Variants in PDIA3 observed in about 807,000 individuals in gnomAD.
The protein encoded by PDIA3 is protein disulfide isomerase family A member 3.
PDIA3 carries 16 observed loss-of-function variants against 56.9 expected under a neutral mutation model. The observed-to-expected ratio is 0.28, with a 90% CI of 0.19 to 0.43. The LOEUF is 0.43. PDIA3 is among the 20% of genes least tolerant of loss of function. The pLI, the probability that PDIA3 is intolerant of heterozygous loss-of-function variation, is 1.00. For missense variants in PDIA3, 485 were observed against 621.3 expected (o/e 0.78, Z 2.33); for synonymous variants, 192 against 216.5 (o/e 0.89, Z 0.99).
intron 10 of PDIA3, 120 bp from the exon 11 acceptor site, chr15:43,770,130 C>T (rs1011135593): frequency 1.3e-4 from 100 of 763,560 alleles, no homozygotes; most frequent in Non-Finnish European, 9.3e-5. Flanking sequence ...CCACCACACC[C>T]GGCTAATTTT....
At chr15:43,770,213 A>C in intron 10 of PDIA3, 37 bp from the exon 11 acceptor site, 2 of 1,526,078 alleles carry the variant, frequency 1.3e-6, no homozygotes, top group Non-Finnish European at 1.8e-6. Context: ...GTCACTGAAA[A>C]CTTGAAATGT....
rs1044459094 is a variant in PDIA3 at position 43,753,916 on chromosome 15, G to A, written c.246+14G>A. On this transcript the variant is annotated intron_variant, in intron 2 of 12. Coordinates refer to ENST00000300289, the MANE Select transcript of PDIA3 (RefSeq NM_005313.5). ...CCATTAGCAAAGGTAAGTACAGGTGGATTCTTCACTAAAGGACGTGAAGTA... is the reference window on the plus strand; with the variant it reads ...CCATTAGCAAAGGTAAGTACAGGTGAATTCTTCACTAAAGGACGTGAAGTA... The A allele has an allele frequency of 6.4e-7, 1 of 1,565,412 alleles. No homozygotes were observed. Among genetic ancestry groups the A allele is most frequent in the Non-Finnish European group, 8.8e-7 (1 of 1,136,038 alleles).
chr15:43,761,950 G>A (rs1183636861), intron 4 of PDIA3, among the ~76,000 whole-genome samples: 3 of 152,106 alleles, frequency 2.0e-5, no homozygotes, highest in Non-Finnish European at 2.9e-5. Flanking sequence ...GAAGATACAA[G>A]TAAATAATAA....
chr15:43,750,003 C>T (rs565056862), intron 1 of PDIA3, among the ~76,000 whole-genome samples: 2 of 150,336 alleles, frequency 1.3e-5, no homozygotes, highest in African/African-American at 4.9e-5. Context: ...ACAAAATAGA[C>T]CTATTTAAGC....
At chr15:43,761,359 A>G (rs2086814855) in intron 3 of PDIA3, 65 bp from the exon 4 acceptor site, 1 of 842,610 alleles carries the variant, frequency 1.2e-6, no homozygotes, top group African/African-American at 1.7e-5. Flanking sequence ...GTGAATGATG[A>G]ATAATTGCCT....
chr15:43,756,064 T>C (rs2086777044), intron 2 of PDIA3, among the ~76,000 whole-genome samples: 1 of 152,188 alleles, frequency 6.6e-6, no homozygotes, highest in South Asian at 2.1e-4. Flanking sequence ...ATATGCAAAG[T>C]ACTTGTGCCT....
chr15:43,754,446 A>G (rs1215147262), intron 2 of PDIA3, among the ~76,000 whole-genome samples: 1 of 151,850 alleles, frequency 6.6e-6, no homozygotes, highest in Admixed American at 6.6e-5. Flanking sequence ...AATTACTGGC[A>G]TAAGAAGTAA....
chr15:43,763,716 A>T (rs1190080688), intron 5 of PDIA3, among the ~76,000 whole-genome samples: 1 of 152,112 alleles, frequency 6.6e-6, no homozygotes, highest in Non-Finnish European at 1.5e-5. Context: ...GTGTAAGTGT[A>T]TGTAGAACTA....
chr15:43,763,504 C>T (rs1174797866), intron 5 of PDIA3, among the ~76,000 whole-genome samples: 2 of 152,174 alleles, frequency 1.3e-5, no homozygotes, highest in Non-Finnish European at 1.5e-5. Context: ...CCACCCACCT[C>T]GGCCTCCCAA....
intron 4 of PDIA3, 145 bp from the exon 5 acceptor site, chr15:43,762,932 C>G: frequency 1.5e-6 from 1 of 654,524 alleles, no homozygotes. Flanking sequence ...AATATTGTGC[C>G]TGTCTGAGGT....
chr15:43,759,734 T>C (rs1416651399), intron 3 of PDIA3, among the ~76,000 whole-genome samples: 2 of 152,202 alleles, frequency 1.3e-5, no homozygotes, highest in African/African-American at 4.8e-5. Flanking sequence ...TACATGCTGC[T>C]ATATGATTCC....
chr15:43,761,297 G>A (rs2086814496), intron 3 of PDIA3, 127 bp from the exon 4 acceptor site: 1 of 507,606 alleles, frequency 2.0e-6, no homozygotes, highest in East Asian at 3.2e-5. Context: ...GGTGACTAGG[G>A]ACAAGGGTGG....
At chr15:43,757,445 C>T (rs1356707798) in intron 3 of PDIA3, among the ~76,000 whole-genome samples, 1 of 151,906 alleles carries the variant, frequency 6.6e-6, no homozygotes, top group Non-Finnish European at 1.5e-5. Flanking sequence ...GTAGTCCTAG[C>T]TGCTCGGGAG....
At position 43,769,610 on chromosome 15, in the gene PDIA3, G is replaced by T. The variant is rs2086869195; in HGVS notation, c.1230G>T (p.Lys410Asn). 6.2e-7 allele frequency: 1 copy of T among 1,613,792 alleles called. No homozygotes were observed. Among genetic ancestry groups the T allele is most frequent in the Admixed American group, 1.7e-5 (1 of 59,988 alleles). The change falls in exon 10 of 13, where the codon AAG becomes AAT. Residue 410 changes from lysine to asparagine, a missense_variant. Coordinates refer to ENST00000300289, the MANE Select transcript of PDIA3 (RefSeq NM_005313.5). Reference sequence around the variant, plus strand: ...ATGCCCCTTGGTGTGGTCACTGTAAGAACCTGGAGCCCAAGTATAAAGAAC... The same window carrying T: ...ATGCCCCTTGGTGTGGTCACTGTAATAACCTGGAGCCCAAGTATAAAGAAC... ...EFYAPWCGHC[K>N]NLEPKYKELG...
chr15:43,771,059 G>A, intron 12 of PDIA3, 46 bp from the exon 13 acceptor site: 5 of 1,299,152 alleles, frequency 3.8e-6, no homozygotes, highest in Non-Finnish European at 5.5e-6. Flanking sequence ...GGCAGATCAG[G>A]GTTCTTTAAA....
At chr15:43,766,137 A>T in intron 7 of PDIA3, 125 bp downstream of exon 7, 1 of 490,942 alleles carries the variant, frequency 2.0e-6, no homozygotes, top group African/African-American at 2.1e-5. Flanking sequence ...GAAGAGGTAA[A>T]AAAAAAAAAA....
At chr15:43,752,013 C>G (rs1206576562) in intron 1 of PDIA3, among the ~76,000 whole-genome samples, 1 of 152,204 alleles carries the variant, frequency 6.6e-6, no homozygotes, top group Non-Finnish European at 1.5e-5. Context: ...CTTTTATTGT[C>G]TGCCATGTGA....
intron 8 of PDIA3, among the ~76,000 whole-genome samples, chr15:43,767,470 C>T (rs534457941): frequency 1.3e-5 from 2 of 151,770 alleles, no homozygotes; most frequent in Admixed American, 6.6e-5. Flanking sequence ...CATGATTCCA[C>T]TTGGTCATTA....
chr15:43,750,296 G>A (rs901176329), intron 1 of PDIA3, among the ~76,000 whole-genome samples: 12 of 150,238 alleles, frequency 8.0e-5, no homozygotes, highest in Non-Finnish European at 1.2e-4. Flanking sequence ...GATTTCAGGC[G>A]TGAGCCACCG....
Sources: gnomAD v4.1 joint callset for allele counts (sites outside exome capture counted in the v4.1 genomes callset) on GRCh38, gnomAD v4.1.1 for gene constraint, MANE v1.5 for transcripts, NCBI Gene and HGNC (gene_info 2026-07-23, HGNC 2026-07-21) for gene names.